Variants in VRK2 observed in about 807,000 individuals in gnomAD.
The protein encoded by VRK2 is serine/threonine-protein kinase VRK2.
A neutral mutation model predicts 57.6 loss-of-function variants in VRK2; 60 were observed. The ratio of observed to expected loss-of-function variants is 1.04; its 90% CI spans 0.85 to 1.29. VRK2 has a LOEUF of 1.29. VRK2 is among the 50% of genes most tolerant of loss of function. The pLI is 0.00. For missense variants in VRK2, 705 were observed against 588.1 expected, an observed-to-expected ratio of 1.20 and a Z score of -2.06; for synonymous variants, 231 against 199.2, an observed-to-expected ratio of 1.16 and a Z score of -1.35.
chr2:57,939,020 C>A (rs1671008604), intron 1 of VRK2, among the ~76,000 whole-genome samples: 2 of 152,030 alleles, frequency 1.3e-5, no homozygotes, highest in South Asian at 4.1e-4. Context: ...AACTGAGAAA[C>A]AGACAATAGT....
chr2:57,991,269 A>G (rs1448643481), intron 1 of VRK2, among the ~76,000 whole-genome samples: 2 of 152,036 alleles, frequency 1.3e-5, no homozygotes, highest in Non-Finnish European at 1.5e-5. Flanking sequence ...ATGATTTTAT[A>G]TCGTAATGTG....
chr2:57,958,499 A>T (rs1671657435), intron 1 of VRK2, among the ~76,000 whole-genome samples: 1 of 151,748 alleles, frequency 6.6e-6, no homozygotes, highest in African/African-American at 2.4e-5. Flanking sequence ...TATATGTGTC[A>T]TATGCTATAT....
chr2:58,159,174 C>CTTAAAAAGTGTAAATCT, intron 12 of VRK2, 175 bp from the exon 13 acceptor site: 1 of 522,154 alleles, frequency 1.9e-6, no homozygotes, highest in Non-Finnish European at 3.3e-6. Flanking sequence ...TTTATAAACT[C>CTTAAAAAGTGTAAATCT]TTAAAAAGTG....
At chr2:58,093,589 G>A (rs1254351699) in intron 7 of VRK2, among the ~76,000 whole-genome samples, 2 of 152,032 alleles carry the variant, frequency 1.3e-5, no homozygotes, top group Non-Finnish European at 2.9e-5. Context: ...AGTAGGTTGC[G>A]GAAATGTTCT....
intron 2 of VRK2, among the ~76,000 whole-genome samples, chr2:58,051,684 A>G (rs1675772079): frequency 6.6e-6 from 1 of 152,202 alleles, no homozygotes; most frequent in Admixed American, 6.5e-5. Flanking sequence ...TGCTCTGTCT[A>G]GCTCATTGTA....
At chr2:57,943,623 G>C (rs1317556036) in intron 1 of VRK2, among the ~76,000 whole-genome samples, 1 of 152,194 alleles carries the variant, frequency 6.6e-6, no homozygotes, top group African/African-American at 2.4e-5. Flanking sequence ...TAAAGGTCAA[G>C]GGTATGATAA....
intron 1 of VRK2, among the ~76,000 whole-genome samples, chr2:57,980,025 T>C (rs545239464): frequency 2.0e-5 from 3 of 152,170 alleles, no homozygotes; most frequent in Non-Finnish European, 4.4e-5. Flanking sequence ...AATCTTTGCA[T>C]CTCAACTTCG....
chr2:58,144,042 C>T lies in VRK2; in HGVS notation c.1024-2274C>T, dbSNP rs190548179. ...ATATATATATACATATATACACACA[C>T]ACACACAATGGAATATTATTCAGCC... is the stretch of plus-strand genomic sequence containing the variant. On this transcript the variant is annotated intron_variant, in intron 11 of 12. Coordinates refer to ENST00000340157, the MANE Select transcript of VRK2 (RefSeq NM_006296.7). Among the ~76,000 whole-genome samples the T allele has an allele frequency of 7.3e-5, 11 of 151,552 alleles. No homozygotes were observed. The South Asian group carries it at 2.1e-3, about 29-fold the overall frequency.
At chr2:58,092,310 T>G (rs1301949483) in intron 7 of VRK2, among the ~76,000 whole-genome samples, 1 of 152,210 alleles carries the variant, frequency 6.6e-6, no homozygotes, top group Admixed American at 6.5e-5. Context: ...TTCCTTCACT[T>G]AACATAATGC....
At chr2:58,088,516 CT>C in intron 6 of VRK2, 70 bp downstream of exon 6, 1 of 1,183,628 alleles carries the variant, frequency 8.4e-7, no homozygotes, top group South Asian at 1.3e-5. Flanking sequence ...AATCTTTTCC[CT>C]TTGTGGAATT....
chr2:58,149,947 T>C (rs1682736901), intron 12 of VRK2, among the ~76,000 whole-genome samples: 1 of 151,358 alleles, frequency 6.6e-6, no homozygotes, highest in Admixed American at 6.6e-5. Context: ...GGAAGGTTTT[T>C]ATACCTAGAC....
rs1413486000 is a variant in VRK2 at position 58,052,295 on chromosome 2, T to C, written c.136+3328T>C. ...AATGTAATTTAGTTATTTATTTCCA[T>C]AGACTTTCCCATTCTTAATACTGGT... is the stretch of plus-strand genomic sequence containing the variant. On this transcript the variant is annotated intron_variant, in intron 2 of 12. Transcript: ENST00000340157. Among the ~76,000 whole-genome samples, 3 of 152,180 alleles carry C rather than the reference T, an allele frequency of 2.0e-5. No homozygotes were observed. In the East Asian group the frequency reaches 5.8e-4, roughly 29 times the overall value.
intron 7 of VRK2, among the ~76,000 whole-genome samples, chr2:58,105,027 A>T (rs1387403941): frequency 2.0e-5 from 3 of 151,904 alleles, no homozygotes; most frequent in Non-Finnish European, 4.4e-5. Context: ...ATGAAAATGG[A>T]CCCCTATCTC....
At chr2:57,921,192 C>T (rs971215254) in intron 1 of VRK2, among the ~76,000 whole-genome samples, 2 of 151,960 alleles carry the variant, frequency 1.3e-5, no homozygotes, top group African/African-American at 2.4e-5. Context: ...ATGCCACTTG[C>T]GAGGCCCCTT....
At chr2:58,153,499 C>A (rs1274403744) in intron 12 of VRK2, among the ~76,000 whole-genome samples, 1 of 151,976 alleles carries the variant, frequency 6.6e-6, no homozygotes, top group Non-Finnish European at 1.5e-5. Context: ...TAGACTGTTA[C>A]CATAGTGGAT....
Position 58,123,089 on chromosome 2 carries a change from C to T in VRK2, c.544-12C>T, listed in dbSNP as rs752944922. Reference sequence around the variant, plus strand: ...CAAAGGCATTATTCATTTGTCTGTGCTTGTCTTCCAGGTTTATCTTGCAGA... The same window carrying T: ...CAAAGGCATTATTCATTTGTCTGTGTTTGTCTTCCAGGTTTATCTTGCAGA... On this transcript the variant is annotated splice_polypyrimidine_tract_variant and intron_variant, in intron 7 of 12. Coordinates refer to ENST00000340157, the MANE Select transcript of VRK2 (RefSeq NM_006296.7). The T allele has an allele frequency of 3.1e-6, 5 of 1,594,638 alleles. No individual in the cohort carries two copies. The Admixed American group carries it at 5.5e-5, about 18-fold the overall frequency.
chr2:58,086,997 A>G (rs1671722166), intron 5 of VRK2, among the ~76,000 whole-genome samples: 1 of 152,224 alleles, frequency 6.6e-6, no homozygotes, highest in African/African-American at 2.4e-5. Context: ...AGAGAGGAGA[A>G]TTCAGTTCTA....
chr2:57,939,892 T>C (rs1002629747), intron 1 of VRK2, among the ~76,000 whole-genome samples: 1 of 152,148 alleles, frequency 6.6e-6, no homozygotes, highest in African/African-American at 2.4e-5. Context: ...TATTGATAAA[T>C]TTTTTTACAT....
chr2:58,028,908 ATATATATATATAT>A lies in VRK2; in HGVS notation c.-333+3139_-333+3151del, dbSNP rs1572801161. ...AATAAATAAATAAATAAATAAATATATATATATATATATATATATATATATATATATATATTTA... is the reference window on the plus strand; with the variant it reads ...AATAAATAAATAAATAAATAAATATAATATATATATATATATATATATTTA... On this transcript the variant is annotated intron_variant, in intron 2 of 15. Coordinates refer to the VRK2 transcript ENST00000417641. Among the ~76,000 whole-genome samples, 8 of 37,460 alleles carry A rather than the reference ATATATATATATAT, an allele frequency of 2.1e-4. No homozygotes were observed. In the East Asian group the frequency reaches 5.2e-3, roughly 24 times the overall value. 24.6% of individuals were successfully genotyped at this position (37,460 alleles called of 152,430 possible).
Sources: allele counts gnomAD v4.1 joint callset (sites outside exome capture counted in the v4.1 genomes callset), GRCh38; gene constraint gnomAD v4.1.1; transcripts MANE v1.5; gene names NCBI Gene and HGNC (gene_info 2026-07-23, HGNC 2026-07-21).